The following GRID2 variants were observed in gnomAD, a reference collection of about 807,000 sequenced individuals.
GRID2 encodes glutamate ionotropic receptor delta type subunit 2.
A neutral mutation model predicts 114.8 loss-of-function variants in GRID2; 33 were observed. The ratio of observed to expected loss-of-function variants is 0.29; its 90% confidence interval spans 0.22 to 0.38. The LOEUF (loss-of-function observed/expected upper bound fraction) is 0.38. Ranked by LOEUF, GRID2 falls within the 10% of genes least tolerant of loss-of-function variation. The probability of loss-of-function intolerance (pLI) is 1.00; values close to 1 mark genes in which losing one functional copy is unlikely to be tolerated. For missense variants in GRID2, 1,184 were observed against 1,257.7 expected, an observed-to-expected ratio of 0.94 and a Z score of 0.89; for synonymous variants, 505 against 449.9, an observed-to-expected ratio of 1.12 and a Z score of -1.55.
chr4:93,756,479 A>G lies in GRID2; in HGVS notation c.2361-12731A>G, dbSNP rs1732758779. Among the ~76,000 whole-genome samples, 3 of 152,300 alleles carry G rather than the reference A, an allele frequency of 2.0e-5. No homozygotes were observed. The South Asian group carries it at 6.2e-4, about 32-fold the overall frequency. The stretch of plus-strand genomic sequence containing the variant: ...ATCAAGCAAGGTTTCAGCAAGGTAG[A>G]TTTCATTCTGAAGCCTCTTCTCTTG... On this transcript the variant is annotated intron_variant, in intron 14 of 15. Coordinates refer to ENST00000282020, the MANE Select transcript of GRID2 (RefSeq NM_001510.4).
chr4:92,465,256 G>A (rs570977055), intron 1 of GRID2, among the ~76,000 whole-genome samples: 1 of 148,160 alleles, frequency 6.7e-6, no homozygotes, highest in Admixed American at 6.7e-5. Flanking sequence ...ATATCTCACA[G>A]GCAAAAAATA....
At chr4:92,491,031 G>C (rs1723121823) in intron 1 of GRID2, among the ~76,000 whole-genome samples, 1 of 152,046 alleles carries the variant, frequency 6.6e-6, no homozygotes, top group Non-Finnish European at 1.5e-5. Context: ...TTATCTTTCT[G>C]TTTACTTATA....
chr4:93,645,163 G>C (rs184729391), intron 14 of GRID2, among the ~76,000 whole-genome samples: 163 of 152,282 alleles, frequency 1.1e-3, no homozygotes, highest in African/African-American at 3.9e-3. Flanking sequence ...TGTGAACTTA[G>C]TGTTGAGCAT....
At chr4:93,233,317 A>T in intron 7 of GRID2, among the ~76,000 whole-genome samples, 1 of 105,522 alleles carries the variant, frequency 9.5e-6, no homozygotes. Context: ...CTGAAGGATT[A>T]TTATTATTAT....
intron 8 of GRID2, among the ~76,000 whole-genome samples, chr4:93,377,066 A>T (rs1249076615): frequency 6.6e-6 from 1 of 152,228 alleles, no homozygotes; most frequent in East Asian, 1.9e-4. Flanking sequence ...TTTTAGAGAT[A>T]TATACCAGAA....
At chr4:93,203,784 T>A (rs957195745) in intron 4 of GRID2, among the ~76,000 whole-genome samples, 1 of 152,142 alleles carries the variant, frequency 6.6e-6, no homozygotes. Context: ...GTCTGCTCCA[T>A]GCACTGGAGC....
At chr4:93,148,749 C>T (rs1173608236) in intron 4 of GRID2, among the ~76,000 whole-genome samples, 1 of 151,862 alleles carries the variant, frequency 6.6e-6, no homozygotes. Flanking sequence ...GAATAGAAGC[C>T]CTGTGAGGAC....
At chr4:93,093,306 A>G (rs543646202) in intron 3 of GRID2, among the ~76,000 whole-genome samples, 10 of 151,994 alleles carry the variant, frequency 6.6e-5, no homozygotes, top group Admixed American at 1.3e-4. Flanking sequence ...TGGTAGCCAT[A>G]TTTGGGGAGC....
At chr4:92,540,604 C>T (rs1332528395) in intron 1 of GRID2, among the ~76,000 whole-genome samples, 3 of 152,282 alleles carry the variant, frequency 2.0e-5, no homozygotes, top group Admixed American at 1.3e-4. Context: ...TATCATCTTA[C>T]ACCAGTTAGA....
chr4:93,748,819 C>T (rs1341600763), intron 14 of GRID2, among the ~76,000 whole-genome samples: 1 of 145,264 alleles, frequency 6.9e-6, no homozygotes, highest in Non-Finnish European at 1.5e-5. Context: ...ACTTTTCTTG[C>T]TTTTTTTTTT....
chr4:92,793,810 A>T (rs1419034853), intron 2 of GRID2, among the ~76,000 whole-genome samples: 1 of 151,894 alleles, frequency 6.6e-6, no homozygotes, highest in African/African-American at 2.4e-5. Context: ...GACAGAACAC[A>T]AACAAAACCC....
chr4:92,598,798 C>G (rs1579654739), intron 2 of GRID2, among the ~76,000 whole-genome samples: 1 of 152,030 alleles, frequency 6.6e-6, no homozygotes, highest in East Asian at 1.9e-4. Context: ...AATGATAGTG[C>G]TGTATGTGAT....
intron 1 of GRID2, among the ~76,000 whole-genome samples, chr4:92,411,625 ATGTGTG>A (rs751440294): frequency 2.9e-4 from 31 of 105,660 alleles, no homozygotes; most frequent in Admixed American, 6.2e-4. Context: ...ATATATATGC[ATGTGTG>A]TGTGTGTGTG....
At chr4:92,583,402 G>C (rs980022054) in intron 1 of GRID2, among the ~76,000 whole-genome samples, 1 of 151,990 alleles carries the variant, frequency 6.6e-6, no homozygotes, top group Admixed American at 6.6e-5. Flanking sequence ...AACAATTAGA[G>C]TCATTGTTTT....
intron 2 of GRID2, among the ~76,000 whole-genome samples, chr4:92,806,441 T>C (rs1324952462): frequency 6.6e-6 from 1 of 151,958 alleles, no homozygotes; most frequent in Non-Finnish European, 1.5e-5. Context: ...TCCTCCATTA[T>C]ACCTTCTGCT....
chr4:93,562,418 G>A (rs993127414), intron 13 of GRID2, among the ~76,000 whole-genome samples: 1 of 151,852 alleles, frequency 6.6e-6, no homozygotes, highest in African/African-American at 2.4e-5. Context: ...TGAATTTTAA[G>A]TTCTTTCTAT....
chr4:93,394,691 C>A (rs963948654), intron 8 of GRID2, among the ~76,000 whole-genome samples: 6 of 152,050 alleles, frequency 3.9e-5, no homozygotes, highest in African/African-American at 1.4e-4. Flanking sequence ...TGTGCACATG[C>A]GGAATATGTT....
intron 4 of GRID2, among the ~76,000 whole-genome samples, chr4:93,180,085 G>T (rs1739740265): frequency 6.6e-6 from 1 of 151,978 alleles, no homozygotes; most frequent in Non-Finnish European, 1.5e-5. Context: ...AGTTACTCAG[G>T]TTACATACAA....
chr4:93,716,319 T>A (rs1257174967), intron 14 of GRID2, among the ~76,000 whole-genome samples: 2 of 152,140 alleles, frequency 1.3e-5, no homozygotes, highest in Non-Finnish European at 2.9e-5. Flanking sequence ...AATAATTACG[T>A]ATTAAAATTG....
Sources: allele counts gnomAD v4.1 joint callset (sites outside exome capture counted in the v4.1 genomes callset), GRCh38; gene constraint gnomAD v4.1.1; transcripts MANE v1.5; gene names NCBI Gene and HGNC (gene_info 2026-07-23, HGNC 2026-07-21).